BTBD9: variants seen among roughly 807,000 people sequenced by gnomAD.
BTBD9 encodes BTB domain containing 9, also known as BTB/POZ domain-containing protein 9.
BTBD9 carries 49 observed loss-of-function variants against 64.3 expected under a neutral mutation model. The ratio of observed to expected loss-of-function variants is 0.76; its 90% CI spans 0.61 to 0.97. The LOEUF is 0.97. Among genes scored for constraint, BTBD9 ranks in the 50% least tolerant of loss-of-function variants. The pLI, the probability that BTBD9 is intolerant of heterozygous loss-of-function variation, is 0.00. For missense variants in BTBD9, 598 were observed against 762.1 expected, an observed-to-expected ratio of 0.78 and a Z score of 2.53; for synonymous variants, 260 against 274.7, an observed-to-expected ratio of 0.95 and a Z score of 0.53.
intron 7 of BTBD9, among the ~76,000 whole-genome samples, chr6:38,312,965 GATTGA>G (rs1371785039): frequency 2.6e-5 from 4 of 152,128 alleles, no homozygotes; most frequent in Admixed American, 6.6e-5. Context: ...TTTTAATAGG[GATTGA>G]ATTGAATGTG....
intron 6 of BTBD9, among the ~76,000 whole-genome samples, chr6:38,403,853 T>A (rs1562135794): frequency 6.6e-6 from 1 of 152,164 alleles, no homozygotes; most frequent in African/African-American, 2.4e-5. Flanking sequence ...GATGAATGGA[T>A]AAGTAAAATA....
rs11381822 is a variant in BTBD9, at chr6:38,394,966, G to GAA, written c.1155-49875_1155-49874dup. Among the ~76,000 whole-genome samples, 36 of 148,320 alleles carry GAA rather than the reference G, an allele frequency of 2.4e-4. No individual in the cohort carries two copies. The East Asian group carries it at 3.3e-3, about 14-fold the overall frequency. On this transcript the variant is annotated intron_variant, in intron 6 of 10. Transcript: ENST00000481247. Reference sequence around the variant, plus strand: ...GATGATATAACCAAAAAAGAGAGGGGAAAAAAAAAAGAAAAAAGAGACTGT... The same window carrying GAA: ...GATGATATAACCAAAAAAGAGAGGGGAAAAAAAAAAAAGAAAAAAGAGACTGT...
intron 9 of BTBD9, among the ~76,000 whole-genome samples, chr6:38,208,415 A>G (rs1210796281): frequency 6.6e-6 from 1 of 152,214 alleles, no homozygotes; most frequent in Non-Finnish European, 1.5e-5. Flanking sequence ...TCATATCTAA[A>G]GATGATCTAT....
chr6:38,316,903 G>A (rs1763047543), intron 7 of BTBD9, among the ~76,000 whole-genome samples: 1 of 152,044 alleles, frequency 6.6e-6, no homozygotes, highest in Non-Finnish European at 1.5e-5. Context: ...CTCGCCTTTT[G>A]TTTGTCTGGC....
intron 6 of BTBD9, chr6:38,504,404 C>T (rs1156897244): frequency 2.8e-6 from 1 of 360,048 alleles, no homozygotes; most frequent in East Asian, 7.3e-5. Context: ...ACCCAAACTA[C>T]AAAATTATGG....
At chr6:38,579,619 T>C (rs1245617685) in intron 5 of BTBD9, among the ~76,000 whole-genome samples, 4 of 152,204 alleles carry the variant, frequency 2.6e-5, no homozygotes, top group African/African-American at 9.6e-5. Context: ...ATAATACTTA[T>C]CTACACACTA....
intron 9 of BTBD9, among the ~76,000 whole-genome samples, chr6:38,251,265 T>C (rs1470883472): frequency 9.5e-6 from 1 of 104,906 alleles, no homozygotes; most frequent in Non-Finnish European, 1.9e-5. Flanking sequence ...AGAGGTGTGA[T>C]TTTTTTTTTT....
At position 38,417,410 on chromosome 6, in the gene BTBD9, T is replaced by A. The variant is rs917980577; in HGVS notation, c.1155-72317A>T. Among the ~76,000 whole-genome samples the A allele has an allele frequency of 4.6e-5, 7 of 152,346 alleles. 1 individual carries two copies. In the South Asian group the frequency reaches 1.5e-3, roughly 32 times the overall value. ...TTAACTGTTTTTAAATCCATATCCTTGCCTAGAATGTAATCTCCTAAAGGG... is the reference window on the plus strand; with the variant it reads ...TTAACTGTTTTTAAATCCATATCCTAGCCTAGAATGTAATCTCCTAAAGGG... On this transcript the variant is annotated intron_variant, in intron 6 of 10. Coordinates refer to ENST00000481247, the MANE Select transcript of BTBD9 (RefSeq NM_001099272.2).
At chr6:38,285,808 C>T (rs150843556) in intron 8 of BTBD9, among the ~76,000 whole-genome samples, 1 of 152,164 alleles carries the variant, frequency 6.6e-6, no homozygotes, top group African/African-American at 2.4e-5. Context: ...CTCAGAGACA[C>T]GATTGGTAAT....
intron 6 of BTBD9, among the ~76,000 whole-genome samples, chr6:38,526,415 G>C (rs1562297808): frequency 6.6e-6 from 1 of 152,268 alleles, no homozygotes; most frequent in African/African-American, 2.4e-5. Flanking sequence ...AGCCCTCATG[G>C]AGAACCTGTA....
intron 6 of BTBD9, among the ~76,000 whole-genome samples, chr6:38,476,202 C>T (rs1338175732): frequency 6.6e-6 from 1 of 152,166 alleles, no homozygotes; most frequent in Non-Finnish European, 1.5e-5. Context: ...CAAGGCAGCA[C>T]AGCACAAAGG....
intron 6 of BTBD9, among the ~76,000 whole-genome samples, chr6:38,402,378 A>G (rs1766970221): frequency 6.6e-6 from 1 of 151,940 alleles, no homozygotes; most frequent in Non-Finnish European, 1.5e-5. Context: ...AGAATAGCCA[A>G]AACAATCCCC....
intron 6 of BTBD9, among the ~76,000 whole-genome samples, chr6:38,409,665 A>AT (rs1409725432): frequency 6.6e-6 from 1 of 151,996 alleles, no homozygotes; most frequent in African/African-American, 2.4e-5. Context: ...TCTACTAAAA[A>AT]TAAAAAAAAT....
chr6:38,519,302 T>C (rs1450792197), intron 6 of BTBD9, among the ~76,000 whole-genome samples: 1 of 152,214 alleles, frequency 6.6e-6, no homozygotes, highest in African/African-American at 2.4e-5. Context: ...ACTTGTGCAT[T>C]TCTTTGTAAA....
intron 1 of BTBD9, among the ~76,000 whole-genome samples, chr6:38,627,812 T>C (rs1460307383): frequency 2.0e-5 from 3 of 152,210 alleles, no homozygotes; most frequent in Admixed American, 6.5e-5. Flanking sequence ...TCCAGGACTT[T>C]AGCAAGGTAC....
In BTBD9 at chr6:38,527,868, C is replaced by T. The variant is rs567551721; in HGVS notation, c.1154+49732G>A. Among the ~76,000 whole-genome samples the T allele has an allele frequency of 4.6e-5, 7 of 151,418 alleles. No homozygotes were observed. The South Asian group carries it at 6.3e-4, about 14-fold the overall frequency. ...TCAGAAATAGGAAGGCAGAATAAGA[C>T]AGCCGAACAGAATCCTCCGGTGATC... On this transcript the variant is annotated intron_variant, in intron 6 of 10. Coordinates refer to ENST00000481247, the MANE Select transcript of BTBD9 (RefSeq NM_001099272.2).
chr6:38,303,932 C>CGTGT (rs368230606), intron 7 of BTBD9, among the ~76,000 whole-genome samples: 108 of 119,112 alleles, frequency 9.1e-4, no homozygotes, highest in South Asian at 7.1e-3. Context: ...TATATATACA[C>CGTGT]GTGTGTGTGT....
intron 4 of BTBD9, among the ~76,000 whole-genome samples, chr6:38,582,887 T>C (rs1776358295): frequency 6.6e-6 from 1 of 152,130 alleles, no homozygotes; most frequent in Non-Finnish European, 1.5e-5. Context: ...AAAGCGCTCA[T>C]TCAGTATTCA....
In BTBD9 at chr6:38,323,638, G is replaced by C. The variant is rs191982866; in HGVS notation, c.1264+21346C>G. Among the ~76,000 whole-genome samples, 130 of 152,314 alleles carry C rather than the reference G, an allele frequency of 8.5e-4. 1 individual carries two copies. Among genetic ancestry groups the C allele is most frequent in the Non-Finnish European group, 1.5e-3 (103 of 68,032 alleles). ...TTTACAGTCGTCAATTTCCATATGA[G>C]AGAAAACACACCATTTTGTACTTAT... On this transcript the variant is annotated intron_variant, in intron 7 of 10. Transcript: ENST00000481247.
Sources: gnomAD v4.1 joint callset for allele counts (sites outside exome capture counted in the v4.1 genomes callset) on GRCh38, gnomAD v4.1.1 for gene constraint, MANE v1.5 for transcripts, NCBI Gene and HGNC (gene_info 2026-07-23, HGNC 2026-07-21) for gene names.